The following CIB4 variants were observed in gnomAD, a reference collection of about 807,000 sequenced individuals.
CIB4 encodes the protein calcium and integrin binding family member 4.
In CIB4, 25 loss-of-function variants were observed where a neutral mutation model predicts 25.8. The ratio of observed to expected loss-of-function variants is 0.97; its 90% CI spans 0.71 to 1.35. The LOEUF is 1.35. Among genes scored for constraint, CIB4 ranks in the 40% most tolerant of loss-of-function variants. The probability of loss-of-function intolerance (pLI) is 0.00; values close to 1 mark genes in which losing one functional copy is unlikely to be tolerated. For synonymous variants in CIB4, 75 were observed against 81.4 expected, an observed-to-expected ratio of 0.92 and a Z score of 0.42; for missense variants, 235 against 228.2, an observed-to-expected ratio of 1.03 and a Z score of -0.19.
At chr2:26,592,436 G>T (rs1325928286) in intron 4 of CIB4, among the ~76,000 whole-genome samples, 1 of 152,156 alleles carries the variant, frequency 6.6e-6, no homozygotes, top group African/African-American at 2.4e-5. Flanking sequence ...AACAGAATTT[G>T]GGTATGTGAT....
chr2:26,598,415 G>C (rs958964894), intron 3 of CIB4, among the ~76,000 whole-genome samples: 1 of 152,150 alleles, frequency 6.6e-6, no homozygotes, highest in South Asian at 2.1e-4. Flanking sequence ...GACTATGAAA[G>C]TGAGAGGCAC....
At chr2:26,635,105 TCAAA>T (rs1669507202) in intron 2 of CIB4, among the ~76,000 whole-genome samples, 1 of 152,200 alleles carries the variant, frequency 6.6e-6, no homozygotes, top group Non-Finnish European at 1.5e-5. Flanking sequence ...GACAACCAAT[TCAAA>T]CAGAGTCAGA....
At chr2:26,637,201 C>T (rs1232414087) in intron 2 of CIB4, among the ~76,000 whole-genome samples, 2 of 152,152 alleles carry the variant, frequency 1.3e-5, no homozygotes, top group Non-Finnish European at 2.9e-5. Flanking sequence ...ATAAGACTTT[C>T]AATCTGCCTT....
intron 2 of CIB4, among the ~76,000 whole-genome samples, chr2:26,639,669 C>T (rs1669599427): frequency 6.6e-6 from 1 of 152,152 alleles, no homozygotes; most frequent in Non-Finnish European, 1.5e-5. Flanking sequence ...CTCCCCGTGC[C>T]CTGGCCATCC....
In CIB4 at chr2:26,641,264, G is replaced by A; in HGVS notation, c.51C>T (p.Tyr17=). Residue 17 remains tyrosine, a synonymous_variant, in exon 1 of 7, where the codon TAC becomes TAT. Transcript: ENST00000288861. The stretch of plus-strand genomic sequence containing the variant: ...GTCCCTAGCCCGATCTACCCACCTG[G>A]TACTCTTCCAGGTCCTCCCAGTGCA... ...YQMHWEDLEE[Y]QALTFLTRNE... The A allele has an allele frequency of 6.2e-7, 1 of 1,612,586 alleles. No homozygotes were observed. Among genetic ancestry groups the A allele is most frequent in the Non-Finnish European group, 8.5e-7 (1 of 1,178,920 alleles).
intron 3 of CIB4, among the ~76,000 whole-genome samples, chr2:26,619,416 ATG>A (rs1369409261): frequency 6.6e-6 from 1 of 152,128 alleles, no homozygotes; most frequent in Non-Finnish European, 1.5e-5. Context: ...CAGCTGCTAT[ATG>A]TGCGGAAGAT....
rs768963761 is a variant in CIB4 at position 26,640,604 on chromosome 2, A to G, written c.55-37T>C. On this transcript the variant is annotated intron_variant, in intron 1 of 6. Transcript: ENST00000288861. ...CACAGAGAAGCGACGTGTCCACTCC[A>G]TTCATCCCTGCTGTGGCCCCTGGGG... 3.7e-6 allele frequency: 6 copies of G among 1,601,852 alleles called. No individual in the cohort carries two copies. The African/African-American group carries it at 5.4e-5, about 14-fold the overall frequency.
At chr2:26,609,512 GA>G (rs1668956145) in intron 3 of CIB4, among the ~76,000 whole-genome samples, 1 of 152,188 alleles carries the variant, frequency 6.6e-6, no homozygotes, top group Non-Finnish European at 1.5e-5. Flanking sequence ...AAGCGAAGCA[GA>G]CATGCAGGAG....
At chr2:26,603,666 C>CA (rs1434495977) in intron 3 of CIB4, among the ~76,000 whole-genome samples, 3 of 151,796 alleles carry the variant, frequency 2.0e-5, no homozygotes, top group Non-Finnish European at 4.4e-5. Flanking sequence ...ATCCATCATG[C>CA]AAAAAAAGAA....
chr2:26,583,901 G>T lies in CIB4; in HGVS notation c.329-3C>A, dbSNP rs761145637. ...AATGAAGCCATTCTCATTAAAATCT[G>T]CAAAGAAGAGGCCAGGCCTGCATTA... On this transcript the variant is annotated splice_polypyrimidine_tract_variant and splice_region_variant and intron_variant, in intron 4 of 6. Transcript: ENST00000288861. 6.3e-7 allele frequency: 1 copy of T among 1,585,946 alleles called. No homozygotes were observed. Among genetic ancestry groups the T allele is most frequent in the Admixed American group, 1.7e-5 (1 of 59,980 alleles).
chr2:26,616,330 G>T (rs1485273362), intron 3 of CIB4, among the ~76,000 whole-genome samples: 1 of 152,192 alleles, frequency 6.6e-6, no homozygotes, highest in Non-Finnish European at 1.5e-5. Context: ...AACTCCTAGG[G>T]TGCTCACAGA....
intron 3 of CIB4, among the ~76,000 whole-genome samples, chr2:26,625,123 C>A (rs759010161): frequency 1.1e-4 from 16 of 152,082 alleles, no homozygotes; most frequent in Non-Finnish European, 1.8e-4. Flanking sequence ...AGTCCTAGGG[C>A]CAGAACCACA....
At chr2:26,593,383 T>C (rs546363900) in intron 4 of CIB4, among the ~76,000 whole-genome samples, 2 of 151,342 alleles carry the variant, frequency 1.3e-5, no homozygotes, top group South Asian at 2.1e-4. Flanking sequence ...CGCACACATA[T>C]ACACACACAC....
At chr2:26,638,600 G>C (rs1669577009) in intron 2 of CIB4, among the ~76,000 whole-genome samples, 1 of 152,186 alleles carries the variant, frequency 6.6e-6, no homozygotes, top group Admixed American at 6.5e-5. Context: ...ATGCCCCCTT[G>C]CTGAGAGTAC....
intron 4 of CIB4, 145 bp downstream of exon 4, chr2:26,595,031 A>G: frequency 2.9e-6 from 2 of 701,540 alleles, no homozygotes; most frequent in East Asian, 2.5e-5. Flanking sequence ...ATTCCATGGT[A>G]CATGCAAAAT....
At chr2:26,609,020 C>A (rs1668947239) in intron 3 of CIB4, among the ~76,000 whole-genome samples, 1 of 152,208 alleles carries the variant, frequency 6.6e-6, no homozygotes, top group Non-Finnish European at 1.5e-5. Flanking sequence ...ACAACCGCAG[C>A]CCTTTTGACA....
chr2:26,600,025 A>G (rs1211871089), intron 3 of CIB4, among the ~76,000 whole-genome samples: 1 of 143,156 alleles, frequency 7.0e-6, no homozygotes, highest in Non-Finnish European at 1.5e-5. Flanking sequence ...GTGAACCAAG[A>G]TCACGCCACT....
intron 3 of CIB4, among the ~76,000 whole-genome samples, chr2:26,602,606 A>G (rs1024142590): frequency 1.3e-5 from 2 of 152,240 alleles, no homozygotes; most frequent in Non-Finnish European, 2.9e-5. Context: ...GATGTGTAGT[A>G]TACATGGGTT....
intron 5 of CIB4, 44 bp from the exon 6 acceptor site, chr2:26,582,957 A>ATG: frequency 7.3e-7 from 1 of 1,368,278 alleles, no homozygotes; most frequent in Non-Finnish European, 1.0e-6. Context: ...ACCCCATGTC[A>ATG]GGCAGTGAGG....
Sources: allele counts gnomAD v4.1 joint callset (sites outside exome capture counted in the v4.1 genomes callset), GRCh38; gene constraint gnomAD v4.1.1; transcripts MANE v1.5; gene names NCBI Gene and HGNC (gene_info 2026-07-23, HGNC 2026-07-21).